LRRC7: variants seen among roughly 807,000 people sequenced by gnomAD.
LRRC7 encodes the protein leucine-rich repeat-containing protein 7.
Under a neutral mutation model 175.7 loss-of-function variants are expected in LRRC7, and 23 were observed. The ratio of observed to expected loss-of-function variants is 0.13; its 90% CI spans 0.09 to 0.19. LRRC7 has a LOEUF of 0.19. Ranked by LOEUF, LRRC7 falls within the 10% of genes least tolerant of loss-of-function variation. The probability of loss-of-function intolerance (pLI) is 1.00; values close to 1 mark genes in which losing one functional copy is unlikely to be tolerated. For synonymous variants in LRRC7, 685 were observed against 680.9 expected (o/e 1.01, Z -0.09); for missense variants, 1,354 against 1,904.7 (o/e 0.71, Z 5.38).
rs538592153 is a variant in LRRC7 at position 69,789,343 on chromosome 1, A to C, written c.304-2700A>C. Among the ~76,000 whole-genome samples the C allele has an allele frequency of 6.8e-4, 87 of 127,366 alleles. 2 individuals carry two copies. In the South Asian group the frequency reaches 0.024, roughly 35 times the overall value. The allele number at this position is 127,366 out of a possible 152,430, so 83.6% of individuals were successfully genotyped here. On this transcript the variant is annotated intron_variant, in intron 3 of 26. Coordinates refer to ENST00000651989, the MANE Select transcript of LRRC7 (RefSeq NM_001370785.2). The stretch of plus-strand genomic sequence containing the variant: ...ATAACCATGCCTTTAATTCAATTCA[A>C]GTCTTTGAGAATCATTGAGTTTACC...
intron 17 of LRRC7, among the ~76,000 whole-genome samples, chr1:70,025,834 G>T (rs1022736329): frequency 3.5e-5 from 5 of 144,436 alleles, no homozygotes; most frequent in Admixed American, 1.4e-4. Flanking sequence ...CAATTTAAGG[G>T]GGGGGGGGTC....
chr1:70,065,842 G>A (rs1377710344), intron 23 of LRRC7, among the ~76,000 whole-genome samples: 1 of 151,922 alleles, frequency 6.6e-6, no homozygotes, highest in African/African-American at 2.4e-5. Context: ...GAAACAAAAT[G>A]CATAATTTAC....
chr1:69,917,327 C>A (rs1281754902), intron 7 of LRRC7, among the ~76,000 whole-genome samples: 1 of 152,116 alleles, frequency 6.6e-6, no homozygotes, highest in Non-Finnish European at 1.5e-5. Flanking sequence ...GGAAATCACA[C>A]CAATGGACTT....
At chr1:69,808,843 A>G (rs1348352625) in intron 4 of LRRC7, among the ~76,000 whole-genome samples, 1 of 152,144 alleles carries the variant, frequency 6.6e-6, no homozygotes, top group Non-Finnish European at 1.5e-5. Flanking sequence ...TAACATCACA[A>G]TTAAGAGAAC....
intron 2 of LRRC7, among the ~76,000 whole-genome samples, chr1:69,743,540 G>A (rs1036412265): frequency 4.6e-5 from 7 of 151,918 alleles, no homozygotes; most frequent in African/African-American, 7.2e-5. Context: ...AGAAGACAAC[G>A]TCCAACATTC....
At chr1:69,823,816 T>C (rs1570155643) in intron 4 of LRRC7, among the ~76,000 whole-genome samples, 1 of 152,276 alleles carries the variant, frequency 6.6e-6, no homozygotes, top group Middle Eastern at 3.4e-3. Flanking sequence ...TCTCTTTTAA[T>C]CCTCACTACA....
At chr1:69,739,874 A>G (rs1668515398) in intron 2 of LRRC7, among the ~76,000 whole-genome samples, 1 of 152,104 alleles carries the variant, frequency 6.6e-6, no homozygotes, top group Admixed American at 6.6e-5. Flanking sequence ...CTGTTAAACA[A>G]AGAATTATCA....
chr1:70,044,184 C>G, intron 22 of LRRC7, 90 bp downstream of exon 22: 3 of 1,385,604 alleles, frequency 2.2e-6, no homozygotes, highest in Non-Finnish European at 3.0e-6. Flanking sequence ...ACATACAACC[C>G]TGCTTACTAT....
chr1:70,008,872 C>T (rs75128456), intron 11 of LRRC7, among the ~76,000 whole-genome samples: 5 of 152,232 alleles, frequency 3.3e-5, no homozygotes, highest in African/African-American at 7.2e-5. Flanking sequence ...AAGGAAGTGA[C>T]GTGACCGGTC....
At chr1:69,787,818 T>A (rs1462240358) in intron 3 of LRRC7, among the ~76,000 whole-genome samples, 1 of 151,940 alleles carries the variant, frequency 6.6e-6, no homozygotes, top group Non-Finnish European at 1.5e-5. Context: ...TTCAATTACC[T>A]CCCACCGGGT....
chr1:69,968,975 C>T (rs1557941150), intron 8 of LRRC7, among the ~76,000 whole-genome samples: 1 of 151,920 alleles, frequency 6.6e-6, no homozygotes, highest in Non-Finnish European at 1.5e-5. Context: ...CCCGCCACCA[C>T]ACCTGGCTGG....
rs1667027967 is a variant in LRRC7, at chr1:70,140,638, G to C, written c.*18751G>C. The C allele has an allele frequency of 6.6e-6, 1 of 152,044 alleles. No individual in the cohort carries two copies. The highest frequency in any genetic ancestry group is 1.5e-5 in the Non-Finnish European group (1 of 67,996). The allele number at this position is 152,044 out of a possible 1,614,324, so 9.4% of individuals were successfully genotyped here. A position where few individuals can be genotyped will look rare whatever the true frequency, so the allele number is the denominator to read the frequency against. ...AGGCAAGTATAATATAAAAAGTCAG[G>C]AATTGACTACAGTTCCCTTGGCTAA... On this transcript the variant is annotated 3_prime_UTR_variant, in exon 27 of 27. Transcript: ENST00000651989.
rs577393949 is a variant in LRRC7, at chr1:69,931,409, C to T, written c.648-98C>T. 564 of 901,860 alleles carry T rather than the reference C, an allele frequency of 6.3e-4. 1 individual carries two copies. Among genetic ancestry groups the T allele is most frequent in the South Asian group, 1.8e-3 (130 of 70,790 alleles). 55.9% of individuals were successfully genotyped at this position (901,860 alleles called of 1,614,324 possible). ...AGAGTACCCCCAGTTTTGTGTACTA[C>T]GCAATCAGGTAAATCTGACAGGAAG... On this transcript the variant is annotated intron_variant, in intron 7 of 26. Coordinates refer to ENST00000651989, the MANE Select transcript of LRRC7 (RefSeq NM_001370785.2).
chr1:70,027,139 C>A (rs1447075095), intron 17 of LRRC7, among the ~76,000 whole-genome samples: 2 of 152,078 alleles, frequency 1.3e-5, no homozygotes, highest in African/African-American at 4.8e-5. Context: ...CAGATACATA[C>A]CTACCACAAT....
At chr1:70,074,747 A>C (rs1399128595) in intron 23 of LRRC7, among the ~76,000 whole-genome samples, 1 of 152,190 alleles carries the variant, frequency 6.6e-6, no homozygotes, top group Non-Finnish European at 1.5e-5. Context: ...CCAAATAATA[A>C]TTTTTAATAT....
At chr1:70,066,411 C>G (rs903797352) in intron 23 of LRRC7, among the ~76,000 whole-genome samples, 1 of 151,916 alleles carries the variant, frequency 6.6e-6, no homozygotes, top group East Asian at 1.9e-4. Flanking sequence ...TTAATTAACT[C>G]CTGGCATTTC....
chr1:70,025,835 G>C (rs968046762), intron 17 of LRRC7, among the ~76,000 whole-genome samples: 2 of 145,358 alleles, frequency 1.4e-5, no homozygotes, highest in African/African-American at 4.9e-5. Flanking sequence ...AATTTAAGGG[G>C]GGGGGGGTCC....
intron 2 of LRRC7, among the ~76,000 whole-genome samples, chr1:69,699,595 AC>A (rs1402121430): frequency 6.7e-6 from 1 of 149,926 alleles, no homozygotes; most frequent in Non-Finnish European, 1.5e-5. Flanking sequence ...CTCTGCAGAT[AC>A]ATCTCTGTTT....
rs540951158 is a variant in LRRC7 at position 69,736,953 on chromosome 1, C to T, written c.101-23238C>T. On this transcript the variant is annotated intron_variant, in intron 2 of 26. Transcript: ENST00000651989. ...TTTATAGAAAGGAGTTAAAGGTGAC[C>T]TTTTTGTATTGGTCTTTATACTGTT... 5.3e-5 allele frequency among the ~76,000 whole-genome samples: 8 copies of T among 152,050 alleles called. No homozygotes were observed. The East Asian group carries it at 1.5e-3, about 29-fold the overall frequency.
Sources: gnomAD v4.1 joint callset for allele counts (sites outside exome capture counted in the v4.1 genomes callset) on GRCh38, gnomAD v4.1.1 for gene constraint, MANE v1.5 for transcripts, NCBI Gene and HGNC (gene_info 2026-07-23, HGNC 2026-07-21) for gene names.